Variants in NAT9 observed in about 807,000 individuals in gnomAD.
NAT9 encodes the protein alpha/beta-tubulin-N-acetyltransferase 9.
A neutral mutation model predicts 24.0 loss-of-function variants in NAT9; 18 were observed. The ratio of observed to expected loss-of-function variants is 0.75; its 90% CI spans 0.52 to 1.11. The LOEUF (loss-of-function observed/expected upper bound fraction) is 1.11, where lower values mean the gene tolerates loss of function less well. Among genes scored for constraint, NAT9 ranks in the 50% most tolerant of loss-of-function variants. The probability of loss-of-function intolerance (pLI) is 0.00; values close to 1 mark genes in which losing one functional copy is unlikely to be tolerated. For synonymous variants in NAT9, 104 were observed against 102.3 expected (o/e 1.02, Z -0.10); for missense variants, 254 against 258.6 (o/e 0.98, Z 0.12).
rs2035420993 is a variant in NAT9, at chr17:74,772,878, G to A, written c.334+18C>T. On this transcript the variant is annotated intron_variant, in intron 4 of 6. Coordinates refer to ENST00000357814, the MANE Select transcript of NAT9 (RefSeq NM_015654.5). The stretch of plus-strand genomic sequence containing the variant: ...GAGAGCCGGGAGTCAGCGGAAGGCA[G>A]GGCTAGGTGAAACAAACCTGCAATC... The A allele has an allele frequency of 6.2e-7, 1 of 1,614,012 alleles. No homozygotes were observed. The highest frequency in any genetic ancestry group is 2.2e-5 in the East Asian group (1 of 44,870).
In NAT9 at chr17:74,770,674, G is replaced by C. The variant is rs1254873986; in HGVS notation, c.*1050C>G. 1 of 152,206 alleles carries C rather than the reference G, an allele frequency of 6.6e-6. No homozygotes were observed. Among genetic ancestry groups the C allele is most frequent in the African/African-American group, 2.4e-5 (1 of 41,446 alleles). The allele number at this position is 152,206 out of a possible 1,614,324, so 9.4% of individuals were successfully genotyped here. Reference sequence around the variant, plus strand: ...TAGGCAAGTCACCTTACTTATCTAAGACTGTTTCCCCACCTGGAAGATGCC... The same window carrying C: ...TAGGCAAGTCACCTTACTTATCTAACACTGTTTCCCCACCTGGAAGATGCC... On this transcript the variant is annotated 3_prime_UTR_variant, in exon 7 of 7. Transcript: ENST00000357814.
Position 74,771,732 on chromosome 17 carries a change from G to A in NAT9, c.616C>T (p.Pro206Ser), listed in dbSNP as rs1413031527. The change falls in exon 7 of 7, where the codon CCC (proline) becomes TCC (serine). Residue 206 changes from proline to serine, a missense_variant. Physicochemically the swap from Pro to Ser is moderately conservative, Grantham distance 74. Coordinates refer to ENST00000357814, the MANE Select transcript of NAT9 (RefSeq NM_015654.5). ...EKPYRDGSAE[P>S]C ...CCCACAAGGCCCAGCCATCAGCAGG[G>A]CTCTGCCGACCCATCTCTGTAAGGC... 2.5e-6 allele frequency: 4 copies of A among 1,613,558 alleles called. No individual in the cohort carries two copies. Among genetic ancestry groups the A allele is most frequent in the African/African-American group, 2.7e-5 (2 of 74,942 alleles).
chr17:74,773,017 A>G lies in NAT9; in HGVS notation c.213T>C (p.Asp71=), dbSNP rs746286003. ...CTGGCTGGGCCTGCCACTTCTCGGC[A>G]TCCAGCACAATGAAGGTACACTCTG... ...DADKCTFIVL[D]AEKWQAQPGA... is the part of the protein sequence containing the mutation. The change falls in exon 4 of 7, where the codon GAT becomes GAC. Residue 71 remains aspartate (D), a synonymous_variant. Coordinates refer to ENST00000357814, the MANE Select transcript of NAT9 (RefSeq NM_015654.5). The G allele has an allele frequency of 1.2e-6, 2 of 1,614,028 alleles. No homozygotes were observed. Among genetic ancestry groups the G allele is most frequent in the Non-Finnish European group, 1.7e-6 (2 of 1,179,998 alleles).
At position 74,772,150 on chromosome 17, in the gene NAT9, C is replaced by G. The variant is rs746638978; in HGVS notation, c.394+68G>C. On this transcript the variant is annotated intron_variant, in intron 5 of 6. Transcript: ENST00000357814. ...GGAGGAACCTTCACCTGCCCCCAAC[C>G]CTCACACCTGAACAAAGTTCACCTG... The G allele has an allele frequency of 3.7e-6, 6 of 1,613,906 alleles. No individual in the cohort carries two copies. In the Admixed American group the frequency reaches 1.0e-4, roughly 27 times the overall value.
intron 2 of NAT9, among the ~76,000 whole-genome samples, chr17:74,774,302 T>C (rs963228515): frequency 2.0e-5 from 3 of 152,172 alleles, no homozygotes; most frequent in Non-Finnish European, 4.4e-5. Flanking sequence ...TTCTTCCACG[T>C]TTAGTTTACA....
intron 2 of NAT9, among the ~76,000 whole-genome samples, chr17:74,774,402 G>A (rs2035666464): frequency 6.6e-6 from 1 of 150,568 alleles, no homozygotes; most frequent in African/African-American, 2.4e-5. Context: ...ACAGTCCCCA[G>A]GTTCTGCTAT....
Position 74,771,128 on chromosome 17 carries a change from AGAG to A in NAT9, c.*593_*595del, listed in dbSNP as rs1391395312. The A allele has an allele frequency of 6.3e-6, 1 of 158,912 alleles. No individual in the cohort carries two copies. The highest frequency in any genetic ancestry group is 1.4e-5 in the Non-Finnish European group (1 of 71,382). 9.8% of individuals were successfully genotyped at this position (158,912 alleles called of 1,614,324 possible). On this transcript the variant is annotated 3_prime_UTR_variant, in exon 7 of 7. Transcript: ENST00000357814. ...TTAAACTCAAGACTGGCTCCAGGAG[AGAG>A]GAGGACGGACACTAGGTTGAGGGGC...
Position 74,771,768 on chromosome 17 carries a change from C to T in NAT9, c.580G>A (p.Val194Met), listed in dbSNP as rs754981576. 7 of 1,614,068 alleles carry T rather than the reference C, an allele frequency of 4.3e-6. No homozygotes were observed. The highest frequency in any genetic ancestry group is 1.3e-5 in the African/African-American group (1 of 75,072). ...HQWLLEQTSH[V>M]EEKPYRDGSA... is the part of the protein sequence containing the mutation. ...CCATCTCTGTAAGGCTTCTCTTCCA[C>T]GTGGCTGGTCTGCTCCAGAAGCCAC... The change falls in exon 7 of 7, where the codon GTG becomes ATG. Residue 194 changes from valine (V) to methionine (M), a missense_variant. Physicochemically the swap from Val to Met is conservative, Grantham distance 21. Coordinates refer to ENST00000357814, the MANE Select transcript of NAT9 (RefSeq NM_015654.5).
rs200971391 is a variant in NAT9 at position 74,775,610 on chromosome 17, C to T, written c.77+12G>A. 3.1e-6 allele frequency: 5 copies of T among 1,612,238 alleles called. No individual in the cohort carries two copies. Among genetic ancestry groups the T allele is most frequent in the African/African-American group, 2.7e-5 (2 of 74,874 alleles). On this transcript the variant is annotated intron_variant, in intron 2 of 6. Transcript: ENST00000357814. Reference sequence around the variant, plus strand: ...GTGCTGATACGCACCCCATGTCAAGCGGGAAAGATACCTGGGCACATGCTC... The same window carrying T: ...GTGCTGATACGCACCCCATGTCAAGTGGGAAAGATACCTGGGCACATGCTC...
intron 2 of NAT9, among the ~76,000 whole-genome samples, chr17:74,774,575 G>C (rs1417380014): frequency 6.9e-6 from 1 of 144,720 alleles, no homozygotes; most frequent in Non-Finnish European, 1.5e-5. Flanking sequence ...TTTTGAGACG[G>C]AGTCTCGATC....
intron 4 of NAT9, 185 bp downstream of exon 4, chr17:74,772,711 G>A (rs1383762234): frequency 1.8e-6 from 2 of 1,131,308 alleles, no homozygotes; most frequent in Non-Finnish European, 2.5e-6. Flanking sequence ...CTAAAGTGAT[G>A]AGGCTGAGGG....
chr17:74,773,454 C>T, intron 3 of NAT9, 122 bp downstream of exon 3: 1 of 855,512 alleles, frequency 1.2e-6, no homozygotes, highest in Admixed American at 2.1e-5. Context: ...AGTTCCAGCA[C>T]CTTCCAGGCT....
chr17:74,770,905 T>A lies in NAT9; in HGVS notation c.*819A>T, dbSNP rs1487477736. 1 of 152,264 alleles carries A rather than the reference T, an allele frequency of 6.6e-6. No homozygotes were observed. The highest frequency in any genetic ancestry group is 1.5e-5 in the Non-Finnish European group (1 of 68,108). The allele number at this position is 152,264 out of a possible 1,614,324, so 9.4% of individuals were successfully genotyped here. A position where few individuals can be genotyped will look rare whatever the true frequency, so the allele number is the denominator to read the frequency against. The stretch of plus-strand genomic sequence containing the variant: ...AGCCTGTGCCTCCACTGCCCCCGCG[T>A]GGCCAGTCAGGTGCAGCTGCTCCCA... On this transcript the variant is annotated 3_prime_UTR_variant, in exon 7 of 7. Transcript: ENST00000357814.
At position 74,774,547 on chromosome 17, in the gene NAT9, G is replaced by GTC. The variant is rs771885499; in HGVS notation, c.78-861_78-860dup. Among the ~76,000 whole-genome samples, 5 of 124,746 alleles carry GTC rather than the reference G, an allele frequency of 4.0e-5. 1 individual carries two copies. The highest frequency in any genetic ancestry group is 8.8e-5 in the Admixed American group (1 of 11,332). The allele number at this position is 124,746 out of a possible 152,430, so 81.8% of individuals were successfully genotyped here. On this transcript the variant is annotated intron_variant, in intron 2 of 6. Transcript: ENST00000357814. ...GGGTTTCTCCACGTTGATCAGGCTG[G>GTC]TCTCTTTTTTTTTTTTTTTTTGAGA...
chr17:74,770,933 GA>G lies in NAT9; in HGVS notation c.*790del. On this transcript the variant is annotated 3_prime_UTR_variant, in exon 7 of 7. Coordinates refer to ENST00000357814, the MANE Select transcript of NAT9 (RefSeq NM_015654.5). ...CCAGTCAGGTGCAGCTGCTCCCAGA[GA>G]TGGAGGGTGAGGAACAGACGTGGGA... 6.6e-6 allele frequency: 1 copy of G among 152,314 alleles called. No individual in the cohort carries two copies. Among genetic ancestry groups the G allele is most frequent in the Non-Finnish European group, 1.5e-5 (1 of 68,106 alleles). 9.4% of individuals were successfully genotyped at this position (152,314 alleles called of 1,614,324 possible).
chr17:74,772,912 G>A lies in NAT9; in HGVS notation c.318C>T (p.Ile106=), dbSNP rs781438054. ...GAAACAAACCTGCAATCATGACCTC[G>A]ATCTCCCCCAAGGTGAGGTCTTCTA... is the stretch of plus-strand genomic sequence containing the variant. ...TDLEDLTLGE[I]EVMIAEPSCR... is the part of the protein sequence containing the mutation. The change falls in exon 4 of 7, where the codon ATC becomes ATT. Residue 106 remains isoleucine (I), a synonymous_variant. Coordinates refer to ENST00000357814, the MANE Select transcript of NAT9 (RefSeq NM_015654.5). 17 of 1,614,010 alleles carry A rather than the reference G, an allele frequency of 1.1e-5. No homozygotes were observed. The highest frequency in any genetic ancestry group is 1.0e-4 in the Admixed American group (6 of 60,012).
chr17:74,774,074 C>CATCT (rs1470727094), intron 2 of NAT9: 1 of 205,646 alleles, frequency 4.9e-6, no homozygotes, highest in Non-Finnish European at 1.0e-5. Flanking sequence ...AGAGAATACC[C>CATCT]ATCTACAGCA....
In NAT9 at chr17:74,770,560, G is replaced by A. The variant is rs1012246188; in HGVS notation, c.*1164C>T. 6.6e-6 allele frequency: 1 copy of A among 152,218 alleles called. No individual in the cohort carries two copies. The highest frequency in any genetic ancestry group is 1.5e-5 in the Non-Finnish European group (1 of 68,040). 9.4% of individuals were successfully genotyped at this position (152,218 alleles called of 1,614,324 possible). On this transcript the variant is annotated 3_prime_UTR_variant, in exon 7 of 7. Transcript: ENST00000357814. ...GCAAGCAACGCGTTCGTTTTATAAT[G>A]TTTGTTTTATACTGAGGCATGTTTT... is the stretch of plus-strand genomic sequence containing the variant.
In NAT9 at chr17:74,772,306, C is replaced by T. The variant is rs747170997; in HGVS notation, c.335-29G>A. The T allele has an allele frequency of 3.0e-5, 49 of 1,612,180 alleles. No homozygotes were observed. The South Asian group carries it at 4.1e-4, about 13-fold the overall frequency. On this transcript the variant is annotated intron_variant, in intron 4 of 6. Coordinates refer to ENST00000357814, the MANE Select transcript of NAT9 (RefSeq NM_015654.5). Reference sequence around the variant, plus strand: ...GGAGAGACAACAGGAGCGGCGCTGACGCCGTGTGCCAGGCTCCAGTGCGGG... The same window carrying T: ...GGAGAGACAACAGGAGCGGCGCTGATGCCGTGTGCCAGGCTCCAGTGCGGG...
Sources: allele counts gnomAD v4.1 joint callset (sites outside exome capture counted in the v4.1 genomes callset), GRCh38; gene constraint gnomAD v4.1.1; transcripts MANE v1.5; gene names NCBI Gene and HGNC (gene_info 2026-07-23, HGNC 2026-07-21).